LRAT: variants seen among roughly 807,000 people sequenced by gnomAD.
LRAT encodes the protein lecithin retinol acyltransferase, also known as lecithin retinol acyltransferase (phosphatidylcholine--retinol O-acyltransferase).
In LRAT, 11 loss-of-function variants were observed where a neutral mutation model predicts 14.2. That is an observed-to-expected ratio of 0.78 (90% confidence interval 0.49 to 1.29). The LOEUF (loss-of-function observed/expected upper bound fraction) is 1.29. Ranked by LOEUF, LRAT falls within the 50% of genes most tolerant of loss-of-function variation. The probability of loss-of-function intolerance (pLI) is 0.00; values close to 1 mark genes in which losing one functional copy is unlikely to be tolerated. For synonymous variants in LRAT, 144 were observed against 124.8 expected (o/e 1.15, Z -1.03); for missense variants, 274 against 292.4 (o/e 0.94, Z 0.46).
chr4:154,744,249 C>G, intron 1 of LRAT, 27 bp downstream of exon 1: 2 of 1,480,208 alleles, frequency 1.4e-6, no homozygotes, highest in Non-Finnish European at 1.9e-6. Flanking sequence ...CACCCCTGCC[C>G]GGCGAGCTTA....
chr4:154,745,004 TC>T lies in LRAT; in HGVS notation c.540+140del, dbSNP rs548650639. On this transcript the variant is annotated intron_variant, in intron 2 of 2. Coordinates refer to ENST00000336356, the MANE Select transcript of LRAT (RefSeq NM_004744.5). ...ACTTCCATACCATCCTTTTTCTTTTTCCTTTTTTTTTTTTTTTTTTTTTTTT... is the reference window on the plus strand; with the variant it reads ...ACTTCCATACCATCCTTTTTCTTTTTCTTTTTTTTTTTTTTTTTTTTTTTT... 1,349 of 578,382 alleles carry T rather than the reference TC, an allele frequency of 2.3e-3. 4 individuals carry two copies. In the African/African-American group the frequency reaches 0.031, roughly 13 times the overall value. The allele number at this position is 578,382 out of a possible 1,614,324, so 35.8% of individuals were successfully genotyped here.
At position 154,752,316 on chromosome 4, in the gene LRAT, T is replaced by C. The variant is rs902712237; in HGVS notation, c.*3180T>C. 6.6e-6 allele frequency: 1 copy of C among 152,202 alleles called. No homozygotes were observed. The highest frequency in any genetic ancestry group is 6.5e-5 in the Admixed American group (1 of 15,282). 9.4% of individuals were successfully genotyped at this position (152,202 alleles called of 1,614,324 possible). ...GCCTACAACATGCCTGGCACATAGC[T>C]GTGAGGTACCCTATGAGTTGTTGAC... On this transcript the variant is annotated 3_prime_UTR_variant, in exon 3 of 3. Coordinates refer to ENST00000336356, the MANE Select transcript of LRAT (RefSeq NM_004744.5).
Position 154,748,968 on chromosome 4 carries a change from A to G in LRAT, c.541-16A>G, listed in dbSNP as rs757920651. 8.1e-6 allele frequency: 13 copies of G among 1,613,060 alleles called. No homozygotes were observed. The South Asian group carries it at 1.2e-4, about 15-fold the overall frequency. On this transcript the variant is annotated splice_polypyrimidine_tract_variant and intron_variant, in intron 2 of 2. Coordinates refer to ENST00000336356, the MANE Select transcript of LRAT (RefSeq NM_004744.5). ...TTTAGCCACCTTTCCTAATTTTCCAATATTTTATTTTCCAGTTTTGTGAGA... is the reference window on the plus strand; with the variant it reads ...TTTAGCCACCTTTCCTAATTTTCCAGTATTTTATTTTCCAGTTTTGTGAGA...
rs953972080 is a variant in LRAT, at chr4:154,751,995, G to A, written c.*2859G>A. 6.6e-6 allele frequency: 1 copy of A among 152,192 alleles called. No homozygotes were observed. Among genetic ancestry groups the A allele is most frequent in the Non-Finnish European group, 1.5e-5 (1 of 68,032 alleles). The allele number at this position is 152,192 out of a possible 1,614,324, so 9.4% of individuals were successfully genotyped here. The stretch of plus-strand genomic sequence containing the variant: ...GAATAGGACTAATTGGGGCTAAGAT[G>A]AATTAATGTAAGTGTCAGATACTAG... On this transcript the variant is annotated 3_prime_UTR_variant, in exon 3 of 3. Coordinates refer to ENST00000336356, the MANE Select transcript of LRAT (RefSeq NM_004744.5).
chr4:154,742,127 C>T (rs1354415326), upstream of LRAT, among the ~76,000 whole-genome samples: 2 of 152,172 alleles, frequency 1.3e-5, no homozygotes, highest in Non-Finnish European at 2.9e-5. Context: ...GTGCTGACTG[C>T]TGTGCTGCTA....
At position 154,744,626 on chromosome 4, in the gene LRAT, C is replaced by G. The variant is rs770608706; in HGVS notation, c.300C>G (p.Gly100=). ...TCTCCAACAAGCGTCTCATCCTGGGCGTTATTGTCAAAGTGGCCAGCATCC... is the reference window on the plus strand; with the variant it reads ...TCTCCAACAAGCGTCTCATCCTGGGGGTTATTGTCAAAGTGGCCAGCATCC... ...KVVSNKRLIL[G]VIVKVASIRV... Residue 100 remains glycine, a synonymous_variant, in exon 2 of 3, where the codon GGC becomes GGG. Transcript: ENST00000336356. The G allele has an allele frequency of 6.2e-7, 1 of 1,614,024 alleles. No homozygotes were observed. The highest frequency in any genetic ancestry group is 8.5e-7 in the Non-Finnish European group (1 of 1,180,014).
At position 154,748,906 on chromosome 4, in the gene LRAT, A is replaced by G. The variant is rs1307052884; in HGVS notation, c.541-78A>G. ...TGGTAGACAGAAAATAGCTGGGAAAACTGATTTACTGTTTGATATATGTGA... is the reference window on the plus strand; with the variant it reads ...TGGTAGACAGAAAATAGCTGGGAAAGCTGATTTACTGTTTGATATATGTGA... On this transcript the variant is annotated intron_variant, in intron 2 of 2. Transcript: ENST00000336356. The G allele has an allele frequency of 2.2e-6, 3 of 1,369,620 alleles. No homozygotes were observed. The African/African-American group carries it at 4.3e-5, about 20-fold the overall frequency. The allele number at this position is 1,369,620 out of a possible 1,614,324, so 84.8% of individuals were successfully genotyped here. A position where few individuals can be genotyped will look rare whatever the true frequency, so the allele number is the denominator to read the frequency against.
Position 154,751,097 on chromosome 4 carries a change from A to T in LRAT, c.*1961A>T, listed in dbSNP as rs1490884496. 1 of 152,202 alleles carries T rather than the reference A, an allele frequency of 6.6e-6. No homozygotes were observed. The highest frequency in any genetic ancestry group is 1.5e-5 in the Non-Finnish European group (1 of 68,032). The allele number at this position is 152,202 out of a possible 1,614,324, so 9.4% of individuals were successfully genotyped here. Reference sequence around the variant, plus strand: ...GACCAGTTGCAATTTTATGGTCCAGAATTAATATTATTATTCGTAAACTAG... The same window carrying T: ...GACCAGTTGCAATTTTATGGTCCAGTATTAATATTATTATTCGTAAACTAG... On this transcript the variant is annotated 3_prime_UTR_variant, in exon 3 of 3. Coordinates refer to ENST00000336356, the MANE Select transcript of LRAT (RefSeq NM_004744.5).
chr4:154,744,252 C>T, intron 1 of LRAT, 30 bp downstream of exon 1: 1 of 1,498,520 alleles, frequency 6.7e-7, no homozygotes. Flanking sequence ...CCCTGCCCGG[C>T]GAGCTTAACT....
rs764092378 is a variant in LRAT at position 154,744,910 on chromosome 4, C to A, written c.540+44C>A. ...AGGGGAAGTGGGCTCCGCGGAGATG[C>A]CCCCTCCCATCCCTGACCTTTTCTC... On this transcript the variant is annotated intron_variant, in intron 2 of 2. Coordinates refer to ENST00000336356, the MANE Select transcript of LRAT (RefSeq NM_004744.5). 6 of 1,594,138 alleles carry A rather than the reference C, an allele frequency of 3.8e-6. No individual in the cohort carries two copies. The African/African-American group carries it at 6.7e-5, about 18-fold the overall frequency.
At position 154,749,365 on chromosome 4, in the gene LRAT, T is replaced by C; in HGVS notation, c.*229T>C. The C allele has an allele frequency of 1.9e-6, 1 of 521,582 alleles. No homozygotes were observed. Among genetic ancestry groups the C allele is most frequent in the Non-Finnish European group, 3.5e-6 (1 of 289,562 alleles). The allele number at this position is 521,582 out of a possible 1,614,324, so 32.3% of individuals were successfully genotyped here. ...TAAAGCACCATCCAAACCTTGGAAATACGACAGGGTGTGGTAGAATTCAGC... is the reference window on the plus strand; with the variant it reads ...TAAAGCACCATCCAAACCTTGGAAACACGACAGGGTGTGGTAGAATTCAGC... On this transcript the variant is annotated 3_prime_UTR_variant, in exon 3 of 3. Transcript: ENST00000336356.
Position 154,749,367 on chromosome 4 carries a change from C to G in LRAT, c.*231C>G, listed in dbSNP as rs1047253791. On this transcript the variant is annotated 3_prime_UTR_variant, in exon 3 of 3. Transcript: ENST00000336356. ...AAGCACCATCCAAACCTTGGAAATA[C>G]GACAGGGTGTGGTAGAATTCAGCAA... 1.9e-6 allele frequency: 1 copy of G among 518,076 alleles called. No individual in the cohort carries two copies. Among genetic ancestry groups the G allele is most frequent in the Non-Finnish European group, 3.5e-6 (1 of 287,844 alleles). The allele number at this position is 518,076 out of a possible 1,614,324, so 32.1% of individuals were successfully genotyped here. A position where few individuals can be genotyped will look rare whatever the true frequency, so the allele number is the denominator to read the frequency against.
In LRAT at chr4:154,744,620, C is replaced by T; in HGVS notation, c.294C>T (p.Ile98=). The T allele has an allele frequency of 6.2e-7, 1 of 1,614,180 alleles. No individual in the cohort carries two copies. Among genetic ancestry groups the T allele is most frequent in the Non-Finnish European group, 8.5e-7 (1 of 1,180,024 alleles). ...AGGTGGTCTCCAACAAGCGTCTCAT[C>T]CTGGGCGTTATTGTCAAAGTGGCCA... ...TQKVVSNKRL[I]LGVIVKVASI... The change falls in exon 2 of 3, where the codon ATC becomes ATT. Residue 98 remains isoleucine (I), a synonymous_variant. Transcript: ENST00000336356.
At position 154,744,784 on chromosome 4, in the gene LRAT, C is replaced by A. The variant is rs763043381; in HGVS notation, c.458C>A (p.Pro153His). Reference protein sequence around the residue: ...RRAEKLLGFTPYSLLWNNCEH... With the variant: ...RRAEKLLGFTHYSLLWNNCEH... ...GCTGAAAAGCTGCTGGGCTTTACCC[C>A]CTACAGCCTGCTGTGGAACAACTGC... is the stretch of plus-strand genomic sequence containing the variant. The change falls in exon 2 of 3, where the codon CCC (proline) becomes CAC (histidine). Residue 153 changes from proline to histidine, a missense_variant. Pro to His is a moderately conservative substitution (Grantham distance 77). Coordinates refer to ENST00000336356, the MANE Select transcript of LRAT (RefSeq NM_004744.5). The A allele has an allele frequency of 5.0e-6, 8 of 1,614,102 alleles. No homozygotes were observed. The highest frequency in any genetic ancestry group is 2.2e-5 in the South Asian group (2 of 91,074).
At chr4:154,746,707 A>G (rs1732890398) in intron 2 of LRAT, among the ~76,000 whole-genome samples, 1 of 152,248 alleles carries the variant, frequency 6.6e-6, no homozygotes, top group African/African-American at 2.4e-5. Flanking sequence ...ATATATTTCT[A>G]CAGAAAAACA....
chr4:154,745,399 T>C (rs720759), intron 2 of LRAT: 1 of 161,628 alleles, frequency 6.2e-6, no homozygotes, highest in African/African-American at 2.4e-5. Flanking sequence ...AATAAGCAAA[T>C]GGCAACGTGC....
Position 154,752,550 on chromosome 4 carries a change from C to G in LRAT, c.*3414C>G, listed in dbSNP as rs1733018938. ...CCCAAAAGTATGGAGAACAAAGGAA[C>G]TCATTTTAAAGGACTAGCTAAGATG... On this transcript the variant is annotated 3_prime_UTR_variant, in exon 3 of 3. Coordinates refer to ENST00000336356, the MANE Select transcript of LRAT (RefSeq NM_004744.5). 6.6e-6 allele frequency: 1 copy of G among 151,924 alleles called. No individual in the cohort carries two copies. Among genetic ancestry groups the G allele is most frequent in the Non-Finnish European group, 1.5e-5 (1 of 68,018 alleles). 9.4% of individuals were successfully genotyped at this position (151,924 alleles called of 1,614,324 possible).
intron 2 of LRAT, among the ~76,000 whole-genome samples, chr4:154,746,626 C>T (rs1444357903): frequency 1.3e-5 from 2 of 152,122 alleles, no homozygotes; most frequent in African/African-American, 4.8e-5. Flanking sequence ...AATCATTTCT[C>T]TAAGGAAAAA....
At chr4:154,743,795 C>T (rs1190673214), upstream of LRAT, among the ~76,000 whole-genome samples, 1 of 152,052 alleles carries the variant, frequency 6.6e-6, no homozygotes, top group Non-Finnish European at 1.5e-5. Flanking sequence ...CAACCGGGAT[C>T]CCGCGGCGAT....
Sources: gnomAD v4.1 joint callset for allele counts (sites outside exome capture counted in the v4.1 genomes callset) on GRCh38, gnomAD v4.1.1 for gene constraint, MANE v1.5 for transcripts, NCBI Gene and HGNC (gene_info 2026-07-23, HGNC 2026-07-21) for gene names.